NLRX1: variants seen among roughly 807,000 people sequenced by gnomAD.
The protein encoded by NLRX1 is NOD-like receptor X1.
Under a neutral mutation model 74.2 loss-of-function variants are expected in NLRX1, and 67 were observed. That is an observed-to-expected ratio of 0.90 (90% confidence interval 0.74 to 1.11). The LOEUF (loss-of-function observed/expected upper bound fraction) is 1.11, where lower values mean the gene tolerates loss of function less well. NLRX1 is among the 50% of genes least tolerant of loss of function. The pLI, the probability that NLRX1 is intolerant of heterozygous loss-of-function variation, is 0.00. For missense variants in NLRX1, 1,191 were observed against 1,305.4 expected, an observed-to-expected ratio of 0.91 and a Z score of 1.35; for synonymous variants, 506 against 559.1, an observed-to-expected ratio of 0.91 and a Z score of 1.34.
At position 119,182,155 on chromosome 11, in the gene NLRX1, A is replaced by G. The variant is rs143534553; in HGVS notation, c.2416A>G (p.Asn806Asp). 36 of 1,614,036 alleles carry G rather than the reference A, an allele frequency of 2.2e-5. No homozygotes were observed. The highest frequency in any genetic ancestry group is 1.6e-4 in the Middle Eastern group (1 of 6,084). ...CGTGCTAATGGAGGGGCTGGCAGGA[A>G]ACACCTCAGTGACGCACCTGTCCCT... ...VAVLMEGLAG[N>D]TSVTHLSLLH... Residue 806 changes from asparagine to aspartate, a missense_variant, in exon 9 of 10, where the codon AAC becomes GAC. By Grantham distance (23) the Asn-to-Asp change is conservative. Transcript: ENST00000409109.
At position 119,180,248 on chromosome 11, in the gene NLRX1, C is replaced by T. The variant is rs142385383; in HGVS notation, c.2227C>T (p.Arg743Cys). The T allele has an allele frequency of 1.6e-3, 2,537 of 1,602,444 alleles. 2 individuals carry two copies. The highest frequency in any genetic ancestry group is 2.0e-3 in the Non-Finnish European group (2,348 of 1,171,900). ...ASCQLDPAGLRTLLPVFLRAR... is the reference protein window; with the variant it reads ...ASCQLDPAGLCTLLPVFLRAR... ...CTGCCAGCTAGATCCTGCTGGGCTG[C>T]GCACACTCCTGCCTGTCTTCCTGCG... is the stretch of plus-strand genomic sequence containing the variant. Residue 743 changes from arginine to cysteine, a missense_variant, in exon 7 of 10, where the codon CGC becomes TGC. By Grantham distance (180) the Arg-to-Cys change is radical. Coordinates refer to ENST00000409109, the MANE Select transcript of NLRX1 (RefSeq NM_001282144.2).
chr11:119,170,942 A>G (rs114562630), intron 1 of NLRX1, among the ~76,000 whole-genome samples: 5,686 of 152,250 alleles, frequency 0.037, 356 homozygotes, highest in African/African-American at 0.13. Context: ...TCAGAAGTTC[A>G]AGACCAGCTT....
Position 119,182,102 on chromosome 11 carries a change from A to G in NLRX1, c.2363A>G (p.Asn788Ser), listed in dbSNP as rs374798350. ...QCQITTLRLS[N>S]NPLTAAGVAV... ...GTTGCACGTGGCTGTAGGCTGTCCAACAACCCGCTGACGGCGGCAGGTGTT... is the reference window on the plus strand; with the variant it reads ...GTTGCACGTGGCTGTAGGCTGTCCAGCAACCCGCTGACGGCGGCAGGTGTT... Residue 788 changes from asparagine (N) to serine (S), a missense_variant, in exon 9 of 10, where the codon AAC becomes AGC. Coordinates refer to ENST00000409109, the MANE Select transcript of NLRX1 (RefSeq NM_001282144.2). The G allele has an allele frequency of 5.6e-6, 9 of 1,613,948 alleles. No individual in the cohort carries two copies. The African/African-American group carries it at 1.2e-4, about 22-fold the overall frequency.
At position 119,173,950 on chromosome 11, in the gene NLRX1, G is replaced by C. The variant is rs769046122; in HGVS notation, c.701G>C (p.Gly234Ala). Residue 234 changes from glycine to alanine, a missense_variant, in exon 5 of 10, where the codon GGG becomes GCG. Gly to Ala is a moderately conservative substitution (Grantham distance 60). Coordinates refer to ENST00000409109, the MANE Select transcript of NLRX1 (RefSeq NM_001282144.2). This position sits in a 1 kb window ranked among gnomAD's most constrained non-coding sequence, Gnocchi z 4.0. ...GTTCTGCCCCTGATGGCTGCTGCTG[G>C]GTCCCACCTCCTCTTTGTGCTCCAT... ...KEVLPLMAAA[G>A]SHLLFVLHGL... is the part of the protein sequence containing the mutation. 42 of 1,613,900 alleles carry C rather than the reference G, an allele frequency of 2.6e-5. 1 individual carries two copies. The South Asian group carries it at 4.3e-4, about 16-fold the overall frequency.
At chr11:119,172,301 G>A (rs1948569958) in intron 2 of NLRX1, 55 bp from the exon 3 acceptor site, 1 of 1,361,454 alleles carries the variant, frequency 7.3e-7, no homozygotes, top group South Asian at 1.2e-5. Context: ...ATGTAGACAT[G>A]GGTTCTGTGT....
chr11:119,183,052 C>A lies in NLRX1; in HGVS notation c.2607-66C>A. ...TTGTGAGGCCCCCTGACTTTCCATC[C>A]ATCTACCCTCGGGCCCTCCTTCTCA... is the stretch of plus-strand genomic sequence containing the variant. On this transcript the variant is annotated intron_variant, in intron 9 of 9. Coordinates refer to ENST00000409109, the MANE Select transcript of NLRX1 (RefSeq NM_001282144.2). This position sits in a 1 kb window ranked among gnomAD's most constrained non-coding sequence, Gnocchi z 5.7. 7.0e-7 allele frequency: 1 copy of A among 1,427,248 alleles called. No homozygotes were observed. Among genetic ancestry groups the A allele is most frequent in the South Asian group, 1.3e-5 (1 of 75,542 alleles). 88.4% of individuals were successfully genotyped at this position (1,427,248 alleles called of 1,614,324 possible). A position where few individuals can be genotyped will look rare whatever the true frequency, so the allele number is the denominator to read the frequency against.
chr11:119,178,028 G>C (rs2135179993), intron 6 of NLRX1: 1 of 152,232 alleles, frequency 6.6e-6, no homozygotes, highest in Admixed American at 6.5e-5. Context: ...AACAAGCCAG[G>C]TGCAGTGGGG....
At position 119,175,122 on chromosome 11, in the gene NLRX1, G is replaced by T; in HGVS notation, c.1519G>T (p.Val507Leu). 6.2e-7 allele frequency: 1 copy of T among 1,614,224 alleles called. No homozygotes were observed. The highest frequency in any genetic ancestry group is 8.5e-7 in the Non-Finnish European group (1 of 1,180,044). Reference sequence around the variant, plus strand: ...GGAATACCTGGCTGCCCTCTACATTGTGCTGGGTTTGCGCAAGACGACCCT... The same window carrying T: ...GGAATACCTGGCTGCCCTCTACATTTTGCTGGGTTTGCGCAAGACGACCCT... ...MQEYLAALYIVLGLRKTTLQK... is the reference protein window; with the variant it reads ...MQEYLAALYILLGLRKTTLQK... Residue 507 changes from valine (V) to leucine (L), a missense_variant, in exon 6 of 10, where the codon GTG (valine) becomes TTG (leucine). Val to Leu is a conservative substitution (Grantham distance 32). Coordinates refer to ENST00000409109, the MANE Select transcript of NLRX1 (RefSeq NM_001282144.2).
In NLRX1 at chr11:119,182,254, G is replaced by A; in HGVS notation, c.2515G>A (p.Glu839Lys). ...AQLDRNRQLQ[E>K]LNVAYNGAGD... The stretch of plus-strand genomic sequence containing the variant: ...GCTGGACCGCAACCGGCAGCTGCAG[G>A]AGCTGAACGTGGCGTACAACGGTGC... The change falls in exon 9 of 10, where the codon GAG (glutamate) becomes AAG (lysine). Residue 839 changes from glutamate (E) to lysine (K), a missense_variant. Glu to Lys is a moderately conservative substitution (Grantham distance 56, BLOSUM62 1). Coordinates refer to ENST00000409109, the MANE Select transcript of NLRX1 (RefSeq NM_001282144.2). 5 of 1,613,838 alleles carry A rather than the reference G, an allele frequency of 3.1e-6. No individual in the cohort carries two copies. The highest frequency in any genetic ancestry group is 4.2e-6 in the Non-Finnish European group (5 of 1,180,036).
At position 119,173,815 on chromosome 11, in the gene NLRX1, C is replaced by T. The variant is rs375942096; in HGVS notation, c.566C>T (p.Pro189Leu). ...MVLDWCYGRL[P>L]AFELLIPFSC... ...CTGGACTGGTGTTATGGGCGGCTGC[C>T]GGCCTTCGAGCTGCTCATCCCCTTC... The change falls in exon 5 of 10, where the codon CCG becomes CTG. Residue 189 changes from proline to leucine, a missense_variant. By Grantham distance (98) the Pro-to-Leu change is moderately conservative. Coordinates refer to ENST00000409109, the MANE Select transcript of NLRX1 (RefSeq NM_001282144.2). The surrounding 1 kb of genome is among the most constrained non-coding windows in gnomAD (Gnocchi z 4.0). 4.9e-5 allele frequency: 79 copies of T among 1,613,394 alleles called. No individual in the cohort carries two copies. The highest frequency in any genetic ancestry group is 3.3e-4 in the Middle Eastern group (2 of 6,084).
In NLRX1 at chr11:119,173,750, A is replaced by T. The variant is rs1258017198; in HGVS notation, c.501A>T (p.Thr167=). Residue 167 remains threonine (T), a synonymous_variant, in exon 5 of 10, where the codon ACA becomes ACT. Coordinates refer to ENST00000409109, the MANE Select transcript of NLRX1 (RefSeq NM_001282144.2). This position sits in a 1 kb window ranked among gnomAD's most constrained non-coding sequence, Gnocchi z 4.0. The part of the protein sequence containing the change: ...RRVQTVVLYG[T]VGTGKSTLVR... ...TGCAGACAGTGGTGCTGTATGGGAC[A>T]GTGGGCACAGGCAAGAGCACGCTGG... 1.2e-6 allele frequency: 2 copies of T among 1,613,716 alleles called. No individual in the cohort carries two copies. Among genetic ancestry groups the T allele is most frequent in the African/African-American group, 1.3e-5 (1 of 74,944 alleles).
rs1298245528 is a variant in NLRX1 at position 119,173,913 on chromosome 11, C to A, written c.664C>A (p.Pro222Thr). The A allele has an allele frequency of 6.2e-7, 1 of 1,613,706 alleles. No individual in the cohort carries two copies. Among genetic ancestry groups the A allele is most frequent in the Non-Finnish European group, 8.5e-7 (1 of 1,180,038 alleles). ...LCQLVAQRYT[P>T]LKEVLPLMAA... ...CCAACTTGTGGCCCAGCGCTACACGCCCCTGAAGGAGGTTCTGCCCCTGAT... is the reference window on the plus strand; with the variant it reads ...CCAACTTGTGGCCCAGCGCTACACGACCCTGAAGGAGGTTCTGCCCCTGAT... The change falls in exon 5 of 10, where the codon CCC becomes ACC. Residue 222 changes from proline to threonine, a missense_variant. Pro to Thr is a conservative substitution (Grantham distance 38, BLOSUM62 -1). Coordinates refer to ENST00000409109, the MANE Select transcript of NLRX1 (RefSeq NM_001282144.2). The surrounding 1 kb of genome is among the most constrained non-coding windows in gnomAD (Gnocchi z 4.0).
In NLRX1 at chr11:119,173,285, C is replaced by T; in HGVS notation, c.230-194C>T. 1.7e-5 allele frequency: 12 copies of T among 706,228 alleles called. No homozygotes were observed. Among genetic ancestry groups the T allele is most frequent in the Non-Finnish European group, 7.1e-6 (3 of 424,712 alleles). The allele number at this position is 706,228 out of a possible 1,614,324, so 43.7% of individuals were successfully genotyped here. Reference sequence around the variant, plus strand: ...GTGAAACCAGTTTGTCCAGTGGCTTCCCACTTTCTGACATAGGGGTTCCAG... The same window carrying T: ...GTGAAACCAGTTTGTCCAGTGGCTTTCCACTTTCTGACATAGGGGTTCCAG... On this transcript the variant is annotated intron_variant, in intron 4 of 9. Coordinates refer to ENST00000409109, the MANE Select transcript of NLRX1 (RefSeq NM_001282144.2). The surrounding 1 kb of genome is among the most constrained non-coding windows in gnomAD (Gnocchi z 4.0).
chr11:119,179,878 C>G lies in NLRX1; in HGVS notation c.1857C>G (p.Val619=). The change falls in exon 7 of 10, where the codon GTC becomes GTG. Residue 619 remains valine (V), a synonymous_variant. Transcript: ENST00000409109. ...CAGATGAGCCCCCTGAGGATGAAGTCTTCGAGCTCTTCCCCATGTTCATGG... is the reference window on the plus strand; with the variant it reads ...CAGATGAGCCCCCTGAGGATGAAGTGTTCGAGCTCTTCCCCATGTTCATGG... ...RHPDEPPEDE[V]FELFPMFMGG... 6.2e-7 allele frequency: 1 copy of G among 1,613,460 alleles called. No individual in the cohort carries two copies. Among genetic ancestry groups the G allele is most frequent in the Non-Finnish European group, 8.5e-7 (1 of 1,179,602 alleles).
chr11:119,172,226 AT>A, intron 2 of NLRX1, 129 bp from the exon 3 acceptor site: 1 of 711,372 alleles, frequency 1.4e-6, no homozygotes, highest in Non-Finnish European at 2.6e-6. Flanking sequence ...GAAATATAAA[AT>A]TGCAAAATAA....
intron 8 of NLRX1, 56 bp downstream of exon 8, chr11:119,181,313 C>A: frequency 7.3e-7 from 1 of 1,369,860 alleles, no homozygotes; most frequent in African/African-American, 1.4e-5. Context: ...AGGGTGAGCT[C>A]CCTGCTTCCT....
At position 119,182,286 on chromosome 11, in the gene NLRX1, C is replaced by T. The variant is rs1451545030; in HGVS notation, c.2547C>T (p.Asp849=). 1 of 1,613,634 alleles carries T rather than the reference C, an allele frequency of 6.2e-7. No individual in the cohort carries two copies. The highest frequency in any genetic ancestry group is 1.1e-5 in the South Asian group (1 of 91,070). ...ACGTGGCGTACAACGGTGCTGGTGA[C>T]ACAGCGGCCCTGGCCCTGGCCAGAG... ...ELNVAYNGAG[D]TAALALARAA... The change falls in exon 9 of 10, where the codon GAC becomes GAT. Residue 849 remains aspartate, a synonymous_variant. Transcript: ENST00000409109.
chr11:119,174,751 TC>T lies in NLRX1; in HGVS notation c.1150del (p.Leu384CysfsTer38). ...TGGCTCGTTTGTGCCACCTTGCACT[TC>T]CTGCATGCCCCCACGCCTGCTGGGC... is the stretch of plus-strand genomic sequence containing the variant. The part of the protein sequence containing the change: ...YCWLVCATLH[F>X]LHAPTPAGQT... On this transcript the variant is annotated frameshift_variant, in exon 6 of 10. Transcript: ENST00000409109. LOFTEE classifies it high-confidence loss of function. 6.2e-7 allele frequency: 1 copy of T among 1,613,804 alleles called. No individual in the cohort carries two copies. Among genetic ancestry groups the T allele is most frequent in the Non-Finnish European group, 8.5e-7 (1 of 1,180,028 alleles).
In NLRX1 at chr11:119,175,067, C is replaced by A; in HGVS notation, c.1464C>A (p.Gly488=). 6.2e-7 allele frequency: 1 copy of A among 1,614,146 alleles called. No individual in the cohort carries two copies. Among genetic ancestry groups the A allele is most frequent in the Non-Finnish European group, 8.5e-7 (1 of 1,180,032 alleles). Reference sequence around the variant, plus strand: ...CATGTGTGGAGCCAGGGCGTGCAGGCACCTTCGTGTTCACCGTGCCCGCCA... The same window carrying A: ...CATGTGTGGAGCCAGGGCGTGCAGGAACCTTCGTGTTCACCGTGCCCGCCA... ...LAPCVEPGRA[G]TFVFTVPAMQ... The change falls in exon 6 of 10, where the codon GGC becomes GGA. Residue 488 remains glycine, a synonymous_variant. Coordinates refer to ENST00000409109, the MANE Select transcript of NLRX1 (RefSeq NM_001282144.2).
Sources: gnomAD v4.1 joint callset for allele counts (sites outside exome capture counted in the v4.1 genomes callset) on GRCh38, gnomAD v4.1.1 for gene constraint, Gnocchi (gnomAD v3.1) non-coding constraint, MANE v1.5 for transcripts, NCBI Gene and HGNC (gene_info 2026-07-23, HGNC 2026-07-21) for gene names.